Variants in ATP10B observed in about 807,000 individuals in gnomAD.
ATP10B encodes phospholipid-transporting ATPase VB.
ATP10B carries 122 observed loss-of-function variants against 141.2 expected under a neutral mutation model. The observed-to-expected ratio is 0.86, with a 90% CI of 0.75 to 1.00. The LOEUF (loss-of-function observed/expected upper bound fraction) is 1.00, where lower values mean the gene tolerates loss of function less well. Ranked by LOEUF, ATP10B falls within the 50% of genes least tolerant of loss-of-function variation. ATP10B has a pLI of 0.00. For missense variants in ATP10B, 1,876 were observed against 1,825.3 expected (o/e 1.03, Z -0.51); for synonymous variants, 685 against 692.0 (o/e 0.99, Z 0.16).
chr5:160,688,996 G>A, intron 3 of ATP10B, 53 bp from the exon 4 acceptor site: 1 of 943,674 alleles, frequency 1.1e-6, no homozygotes, highest in Non-Finnish European at 1.3e-6. Flanking sequence ...GCAAAGAAAT[G>A]CTGCTTTACA....
chr5:160,748,385 G>C (rs1471766587), intron 2 of ATP10B, among the ~76,000 whole-genome samples: 1 of 152,128 alleles, frequency 6.6e-6, no homozygotes, highest in Non-Finnish European at 1.5e-5. Context: ...TCCACTTCCT[G>C]ATACTAATGG....
intron 2 of ATP10B, 67 bp downstream of exon 2, chr5:160,785,492 G>C (rs776834690): frequency 9.2e-6 from 4 of 434,064 alleles, no homozygotes; most frequent in South Asian, 6.8e-5. Context: ...TTATTTCATG[G>C]GTATACTGAG....
chr5:160,874,289 G>A, the ATP10B span, among the ~76,000 whole-genome samples: 3 of 151,738 alleles, frequency 2.0e-5, no homozygotes, highest in Non-Finnish European at 2.9e-5. Flanking sequence ...CACCTCACAC[G>A]GCAGGGTATT....
At chr5:160,667,602 T>G (rs1762402014) in intron 7 of ATP10B, among the ~76,000 whole-genome samples, 2 of 152,174 alleles carry the variant, frequency 1.3e-5, no homozygotes, top group African/African-American at 4.8e-5. Flanking sequence ...CTCTTTTTTG[T>G]TTTTCTTTTT....
In ATP10B at chr5:160,644,128, A is replaced by T. The variant is rs1760093178; in HGVS notation, c.868+10T>A. ...AAAATTCAGACAAAAGAAACTACCC[A>T]GACAATGACCTGCATAGATGACAAT... is the stretch of plus-strand genomic sequence containing the variant. On this transcript the variant is annotated intron_variant, in intron 9 of 25. Transcript: ENST00000327245. 6.2e-7 allele frequency: 1 copy of T among 1,611,434 alleles called. No individual in the cohort carries two copies. The highest frequency in any genetic ancestry group is 1.7e-5 in the Admixed American group (1 of 60,016).
intron 1 of ATP10B, among the ~76,000 whole-genome samples, chr5:160,810,059 T>C (rs563972060): frequency 3.3e-4 from 51 of 152,312 alleles, no homozygotes; most frequent in Admixed American, 9.8e-4. Flanking sequence ...CTCTACAGTA[T>C]CTAATCTTTC....
chr5:160,781,666 T>A (rs894667807), intron 2 of ATP10B, among the ~76,000 whole-genome samples: 1 of 152,220 alleles, frequency 6.6e-6, no homozygotes, highest in African/African-American at 2.4e-5. Context: ...CAACTCATAC[T>A]GGCACAACAT....
chr5:160,847,615 A>G (rs1776208295), intron 1 of ATP10B, among the ~76,000 whole-genome samples: 2 of 152,220 alleles, frequency 1.3e-5, no homozygotes, highest in African/African-American at 4.8e-5. Context: ...CTTAAACAGA[A>G]TAAGTAGTCG....
chr5:160,721,260 A>C (rs1437147141), intron 2 of ATP10B, among the ~76,000 whole-genome samples: 1 of 152,178 alleles, frequency 6.6e-6, no homozygotes, highest in Non-Finnish European at 1.5e-5. Flanking sequence ...GATGATGCTC[A>C]CTTGATTTAC....
At chr5:160,782,943 A>G (rs1245823925) in intron 2 of ATP10B, among the ~76,000 whole-genome samples, 1 of 152,164 alleles carries the variant, frequency 6.6e-6, no homozygotes, top group African/African-American at 2.4e-5. Context: ...TCCATTATAT[A>G]GAAGTATATA....
chr5:160,612,942 C>T lies in ATP10B; in HGVS notation c.2654-17G>A. Reference sequence around the variant, plus strand: ...CAGTGGCTCCTGGAGTGATGAAAAACAACAGAGTTCACATTTATCGTAAAA... The same window carrying T: ...CAGTGGCTCCTGGAGTGATGAAAAATAACAGAGTTCACATTTATCGTAAAA... On this transcript the variant is annotated splice_polypyrimidine_tract_variant and intron_variant, in intron 17 of 25. Coordinates refer to ENST00000327245, the MANE Select transcript of ATP10B (RefSeq NM_025153.3). 2 of 1,602,154 alleles carry T rather than the reference C, an allele frequency of 1.2e-6. No individual in the cohort carries two copies. Among genetic ancestry groups the T allele is most frequent in the South Asian group, 2.2e-5 (2 of 89,518 alleles).
intron 25 of ATP10B, among the ~76,000 whole-genome samples, chr5:160,568,054 C>T (rs7718017): frequency 0.36 from 55,105 of 151,904 alleles, 10,399 homozygotes; most frequent in African/African-American, 0.44. Context: ...GCCTTTGTCC[C>T]AAGTGGGTAG....
chr5:160,702,395 G>T (rs1764732975), intron 3 of ATP10B, among the ~76,000 whole-genome samples: 1 of 151,986 alleles, frequency 6.6e-6, no homozygotes, highest in South Asian at 2.1e-4. Flanking sequence ...CAAATTTTGG[G>T]AGTATAACAA....
intron 7 of ATP10B, among the ~76,000 whole-genome samples, chr5:160,654,378 G>T (rs761597832): frequency 6.6e-6 from 1 of 152,044 alleles, no homozygotes; most frequent in African/African-American, 2.4e-5. Flanking sequence ...CGCCTAACTG[G>T]ACACTTCTTC....
chr5:160,672,228 C>T (rs142564604), intron 6 of ATP10B, among the ~76,000 whole-genome samples: 1,769 of 152,166 alleles, frequency 0.012, 21 homozygotes, highest in South Asian at 0.022. Context: ...CCTCCTGTCT[C>T]GGCCTCCCAA....
Position 160,591,051 on chromosome 5 carries a change from T to A in ATP10B, c.3645+8A>T, listed in dbSNP as rs763630551. On this transcript the variant is annotated splice_region_variant and intron_variant, in intron 23 of 25. Coordinates refer to ENST00000327245, the MANE Select transcript of ATP10B (RefSeq NM_025153.3). ...TTTATGTGGTTAGAATGGGACTACA[T>A]GACTTACCAGGTAAGGGATAAAGAA... 2 of 1,611,344 alleles carry A rather than the reference T, an allele frequency of 1.2e-6. No homozygotes were observed. The highest frequency in any genetic ancestry group is 2.2e-5 in the South Asian group (2 of 91,008).
At chr5:160,565,951 A>C in intron 25 of ATP10B, 51 bp from the exon 26 acceptor site, 1 of 1,498,382 alleles carries the variant, frequency 6.7e-7, no homozygotes, top group Non-Finnish European at 9.0e-7. Flanking sequence ...CTGACTTCAT[A>C]AACTTCAGCA....
At chr5:160,659,260 T>C (rs1478867580) in intron 7 of ATP10B, among the ~76,000 whole-genome samples, 5 of 151,980 alleles carry the variant, frequency 3.3e-5, no homozygotes, top group African/African-American at 1.2e-4. Flanking sequence ...GGTCAGGAGT[T>C]TGAGACCAGC....
chr5:160,898,113 C>T, the ATP10B span, among the ~76,000 whole-genome samples: 2 of 151,440 alleles, frequency 1.3e-5, no homozygotes, highest in African/African-American at 2.4e-5. Context: ...GGCAACGAAA[C>T]CAAAAGCAAT....
Sources: allele counts gnomAD v4.1 joint callset (sites outside exome capture counted in the v4.1 genomes callset), GRCh38; gene constraint gnomAD v4.1.1; transcripts MANE v1.5; gene names NCBI Gene and HGNC (gene_info 2026-07-23, HGNC 2026-07-21).